Variants in TMPRSS11D observed in about 807,000 individuals in gnomAD.
TMPRSS11D encodes the protein transmembrane serine protease 11D, also known as transmembrane protease serine 11D.
TMPRSS11D carries 32 observed loss-of-function variants against 44.4 expected under a neutral mutation model. The observed-to-expected ratio is 0.72, with a 90% confidence interval of 0.54 to 0.97. The LOEUF is 0.97. TMPRSS11D is among the 50% of genes least tolerant of loss of function. The pLI, the probability that TMPRSS11D is intolerant of heterozygous loss-of-function variation, is 0.00. For synonymous variants in TMPRSS11D, 179 were observed against 177.9 expected (o/e 1.01, Z -0.05); for missense variants, 446 against 502.6 (o/e 0.89, Z 1.08).
chr4:67,842,429 C>A, intron 4 of TMPRSS11D, 129 bp downstream of exon 4: 1 of 875,640 alleles, frequency 1.1e-6, no homozygotes. Context: ...TTTAAGCTGA[C>A]TAAAATACTA....
intron 1 of TMPRSS11D, among the ~76,000 whole-genome samples, chr4:67,866,372 A>C (rs1189777675): frequency 1.3e-5 from 2 of 152,104 alleles, no homozygotes; most frequent in Non-Finnish European, 2.9e-5. Flanking sequence ...ATATATGATA[A>C]ACCCACAGCT....
At chr4:67,859,458 A>G in intron 2 of TMPRSS11D, 99 bp downstream of exon 2, 3 of 1,342,770 alleles carry the variant, frequency 2.2e-6, no homozygotes, top group Non-Finnish European at 2.0e-6. Flanking sequence ...ACATTATATT[A>G]AGAAATAAAA....
At chr4:67,856,678 C>G (rs1718642817) in intron 2 of TMPRSS11D, among the ~76,000 whole-genome samples, 1 of 151,874 alleles carries the variant, frequency 6.6e-6, no homozygotes, top group Non-Finnish European at 1.5e-5. Context: ...AGGAAACAAG[C>G]AACAGAATGG....
At chr4:67,864,993 C>G (rs1253863072) in intron 1 of TMPRSS11D, among the ~76,000 whole-genome samples, 2 of 151,732 alleles carry the variant, frequency 1.3e-5, no homozygotes, top group Admixed American at 6.6e-5. Context: ...AAACACTGGA[C>G]TTAAATTGGA....
chr4:67,846,747 C>G (rs1718367563), intron 3 of TMPRSS11D, among the ~76,000 whole-genome samples: 1 of 151,674 alleles, frequency 6.6e-6, no homozygotes, highest in Non-Finnish European at 1.5e-5. Context: ...TCTTTTCTCC[C>G]AAATTTTTAT....
intron 2 of TMPRSS11D, among the ~76,000 whole-genome samples, chr4:67,854,450 A>C (rs147646287): frequency 2.8e-4 from 42 of 152,268 alleles, no homozygotes; most frequent in African/African-American, 8.4e-4. Context: ...GAAATAGTAT[A>C]ATTTTTATTC....
chr4:67,859,190 TTA>T (rs893395826), intron 2 of TMPRSS11D, among the ~76,000 whole-genome samples: 3 of 152,094 alleles, frequency 2.0e-5, no homozygotes, highest in African/African-American at 4.8e-5. Context: ...TGTTATGATT[TTA>T]TCAGGTTATC....
At chr4:67,844,968 T>C (rs921812502) in intron 3 of TMPRSS11D, among the ~76,000 whole-genome samples, 20 of 152,210 alleles carry the variant, frequency 1.3e-4, no homozygotes, top group African/African-American at 4.8e-4. Flanking sequence ...TTTACTTGAC[T>C]TTAATCGAAG....
At chr4:67,865,823 T>C (rs1718912867) in intron 1 of TMPRSS11D, among the ~76,000 whole-genome samples, 1 of 151,582 alleles carries the variant, frequency 6.6e-6, no homozygotes, top group African/African-American at 2.4e-5. Flanking sequence ...AGACCAATAA[T>C]GAGTAGTACA....
At chr4:67,824,083 C>A (rs1577799963) in intron 9 of TMPRSS11D, among the ~76,000 whole-genome samples, 1 of 148,912 alleles carries the variant, frequency 6.7e-6, no homozygotes. Flanking sequence ...TAAAAATGAA[C>A]AAAAGAATGG....
chr4:67,850,500 G>A (rs79935120), intron 3 of TMPRSS11D, among the ~76,000 whole-genome samples: 1 of 152,062 alleles, frequency 6.6e-6, no homozygotes, highest in East Asian at 1.9e-4. Context: ...GGGGGTGGGT[G>A]GGGGGAAGGA....
intron 1 of TMPRSS11D, among the ~76,000 whole-genome samples, chr4:67,863,416 C>A (rs996727711): frequency 3.3e-5 from 5 of 151,480 alleles, no homozygotes; most frequent in African/African-American, 9.7e-5. Context: ...AGGATATGCC[C>A]AGGGTTGTAT....
chr4:67,824,958 A>G (rs1717756281), intron 9 of TMPRSS11D, among the ~76,000 whole-genome samples: 1 of 152,164 alleles, frequency 6.6e-6, no homozygotes, highest in African/African-American at 2.4e-5. Context: ...TGTTTAGATA[A>G]TTTAATTTAA....
At chr4:67,835,495 T>C (rs34927157) in intron 5 of TMPRSS11D, among the ~76,000 whole-genome samples, 4,642 of 152,244 alleles carry the variant, frequency 0.03, 97 homozygotes, top group Non-Finnish European at 0.047. Context: ...GGGAAGTTAA[T>C]TTATCATGTC....
chr4:67,835,008 A>G (rs1577807548), intron 6 of TMPRSS11D, 75 bp downstream of exon 6: 1 of 1,390,698 alleles, frequency 7.2e-7, no homozygotes, highest in East Asian at 2.3e-5. Flanking sequence ...CCTTGGCCAA[A>G]AGTACACAAA....
At chr4:67,844,717 C>T (rs1560541430) in intron 3 of TMPRSS11D, among the ~76,000 whole-genome samples, 2 of 151,436 alleles carry the variant, frequency 1.3e-5, no homozygotes, top group South Asian at 2.1e-4. Context: ...GGGCAGAGGT[C>T]GCAGTGAGTC....
At position 67,867,737 on chromosome 4, in the gene TMPRSS11D, C is replaced by T. The variant is rs536190940; in HGVS notation, c.9-8059G>A. ...CAAATGAAAAAAATGCTCAATATCACTAATCAGAGAAGTGCAAATTAAAAC... is the reference window on the plus strand; with the variant it reads ...CAAATGAAAAAAATGCTCAATATCATTAATCAGAGAAGTGCAAATTAAAAC... On this transcript the variant is annotated intron_variant, in intron 1 of 9. Transcript: ENST00000283916. 2.0e-5 allele frequency among the ~76,000 whole-genome samples: 3 copies of T among 152,146 alleles called. No individual in the cohort carries two copies. The East Asian group carries it at 5.8e-4, about 29-fold the overall frequency.
chr4:67,838,303 T>C lies in TMPRSS11D; in HGVS notation c.344A>G (p.Asp115Gly). 1.9e-6 allele frequency: 3 copies of C among 1,593,604 alleles called. No homozygotes were observed. Among genetic ancestry groups the C allele is most frequent in the Non-Finnish European group, 2.6e-6 (3 of 1,172,180 alleles). Residue 115 changes from aspartate (D) to glycine (G), a missense_variant, in exon 5 of 10, where the codon GAT becomes GGT. Transcript: ENST00000283916. ...AGTGAATTGAAATTTCATGACAACATCCGCTCTCACACCACTACCATCTTG... is the reference window on the plus strand; with the variant it reads ...AGTGAATTGAAATTTCATGACAACACCCGCTCTCACACCACTACCATCTTG... ...LRQDGSGVRA[D>G]VVMKFQFTRN...
At chr4:67,842,651 C>T (rs773947590) in intron 3 of TMPRSS11D, 26 bp from the exon 4 acceptor site, 5 of 1,585,640 alleles carry the variant, frequency 3.2e-6, no homozygotes, top group Non-Finnish European at 4.3e-6. Flanking sequence ...GAGGGGGAAT[C>T]TCTCTGTAAA....
Sources: allele counts gnomAD v4.1 joint callset (sites outside exome capture counted in the v4.1 genomes callset), GRCh38; gene constraint gnomAD v4.1.1; transcripts MANE v1.5; gene names NCBI Gene and HGNC (gene_info 2026-07-23, HGNC 2026-07-21).